Variants in CDH11 observed in about 807,000 individuals in gnomAD.
The protein encoded by CDH11 is cadherin 11, also known as cadherin-11.
In CDH11, 11 loss-of-function variants were observed where a neutral mutation model predicts 67.8. That is an observed-to-expected ratio of 0.16 (90% CI 0.10 to 0.27). The LOEUF (loss-of-function observed/expected upper bound fraction) is 0.27, where lower values mean the gene tolerates loss of function less well. Among genes scored for constraint, CDH11 ranks in the 10% least tolerant of loss-of-function variants. CDH11 has a pLI of 1.00. For synonymous variants in CDH11, 419 were observed against 400.0 expected (o/e 1.05, Z -0.57); for missense variants, 847 against 1,031.2 (o/e 0.82, Z 2.45).
chr16:65,061,471 G>A (rs909520844), intron 1 of CDH11, among the ~76,000 whole-genome samples: 4 of 152,082 alleles, frequency 2.6e-5, no homozygotes, highest in Non-Finnish European at 5.9e-5. Flanking sequence ...TAAATGCAAC[G>A]TGGCATTATT....
chr16:65,012,565 G>A (rs1035790224), intron 2 of CDH11, among the ~76,000 whole-genome samples: 1 of 152,164 alleles, frequency 6.6e-6, no homozygotes, highest in African/African-American at 2.4e-5. Context: ...AGAAACAAAT[G>A]TGACCTCTGT....
intron 1 of CDH11, among the ~76,000 whole-genome samples, chr16:65,090,334 T>C (rs991401376): frequency 3.3e-5 from 5 of 152,120 alleles, no homozygotes; most frequent in Non-Finnish European, 5.9e-5. Context: ...CAATATTGTG[T>C]CTCTCAGTTG....
intron 4 of CDH11, 114 bp from the exon 5 acceptor site, chr16:64,993,148 C>T: frequency 1.2e-6 from 1 of 823,940 alleles, no homozygotes; most frequent in Non-Finnish European, 2.0e-6. Context: ...AATTATTCAA[C>T]ATTCTCTCAT....
intron 11 of CDH11, among the ~76,000 whole-genome samples, chr16:64,969,046 T>C (rs1253033421): frequency 1.3e-5 from 2 of 152,174 alleles, no homozygotes; most frequent in African/African-American, 4.8e-5. Context: ...GCAAAAATAG[T>C]AGCTCAACAG....
rs574877057 is a variant in CDH11, at chr16:65,050,643, C to T, written c.-173+3161G>A. Among the ~76,000 whole-genome samples, 146 of 152,246 alleles carry T rather than the reference C, an allele frequency of 9.6e-4. 1 individual carries two copies. Among genetic ancestry groups the T allele is most frequent in the Admixed American group, 9.2e-4 (14 of 15,290 alleles). On this transcript the variant is annotated intron_variant, in intron 2 of 12. Coordinates refer to ENST00000268603, the MANE Select transcript of CDH11 (RefSeq NM_001797.4). ...CAAGAAGAAGCTTAACCTGAAAAAT[C>T]AAAGGATTGTTCCATCTGCATTCCT... is the stretch of plus-strand genomic sequence containing the variant.
intron 3 of CDH11, among the ~76,000 whole-genome samples, chr16:65,001,810 A>AC (rs892813911): frequency 4.6e-5 from 7 of 151,630 alleles, no homozygotes; most frequent in East Asian, 1.9e-4. Context: ...TAAAAAAAAA[A>AC]ACAAAAACCC....
chr16:65,001,800 T>TA (rs34584816), intron 3 of CDH11, among the ~76,000 whole-genome samples: 56,935 of 142,342 alleles, frequency 0.4, 12,405 homozygotes, highest in East Asian at 0.61. Flanking sequence ...ACACACACAT[T>TA]AAAAAAAAAA....
At chr16:65,071,400 C>T (rs2074413562) in intron 1 of CDH11, among the ~76,000 whole-genome samples, 1 of 146,948 alleles carries the variant, frequency 6.8e-6, no homozygotes, top group African/African-American at 2.5e-5. Context: ...GCGCAAACTC[C>T]AAAAAGGGAG....
chr16:65,021,493 C>T (rs558592965), intron 2 of CDH11, among the ~76,000 whole-genome samples: 1 of 151,396 alleles, frequency 6.6e-6, no homozygotes, highest in Admixed American at 6.6e-5. Flanking sequence ...AAGAAAAAAG[C>T]TTTTCTTATT....
At chr16:65,101,089 A>C (rs1487873203) in intron 1 of CDH11, among the ~76,000 whole-genome samples, 1 of 152,176 alleles carries the variant, frequency 6.6e-6, no homozygotes, top group African/African-American at 2.4e-5. Flanking sequence ...CAGGCATAGC[A>C]CCTCAAAGCT....
upstream of CDH11, chr16:65,122,152 A>ATGGT: frequency 2.3e-6 from 1 of 437,714 alleles, no homozygotes; most frequent in African/African-American, 2.3e-5. Flanking sequence ...GGGCGGGAGG[A>ATGGT]GGGAGGCTGC....
chr16:65,083,620 T>C (rs2074648009), intron 1 of CDH11, among the ~76,000 whole-genome samples: 1 of 152,240 alleles, frequency 6.6e-6, no homozygotes, highest in Non-Finnish European at 1.5e-5. Context: ...AGGCAAGACA[T>C]ATCTTGACAC....
Position 64,991,948 on chromosome 16 carries a change from G to A in CDH11, c.644-13C>T, listed in dbSNP as rs777242765. On this transcript the variant is annotated splice_polypyrimidine_tract_variant and intron_variant, in intron 5 of 12. Coordinates refer to ENST00000268603, the MANE Select transcript of CDH11 (RefSeq NM_001797.4). The stretch of plus-strand genomic sequence containing the variant: ...GTTCTGATGATACCTGGACAGGTAA[G>A]CAGGCAACATCACAGATATTCGTTT... 2.4e-5 allele frequency: 37 copies of A among 1,561,714 alleles called. No homozygotes were observed. Among genetic ancestry groups the A allele is most frequent in the Non-Finnish European group, 3.1e-5 (35 of 1,140,942 alleles).
chr16:65,091,202 T>A (rs2074786568), intron 1 of CDH11, among the ~76,000 whole-genome samples: 1 of 152,220 alleles, frequency 6.6e-6, no homozygotes, highest in South Asian at 2.1e-4. Context: ...ACCATAAAAA[T>A]ATACCATAAT....
intron 1 of CDH11, among the ~76,000 whole-genome samples, chr16:65,101,264 ACCAAT>A (rs1366600340): frequency 3.2e-4 from 48 of 152,242 alleles, no homozygotes; most frequent in Non-Finnish European, 1.0e-4. Context: ...GAAGACACCA[ACCAAT>A]CATGAGGAGA....
intron 2 of CDH11, among the ~76,000 whole-genome samples, chr16:65,046,409 C>T (rs905025630): frequency 6.6e-6 from 1 of 152,180 alleles, no homozygotes; most frequent in African/African-American, 2.4e-5. Flanking sequence ...AAGAGGGGCA[C>T]CTCCAGCCAT....
At chr16:65,044,282 G>A (rs2073918158) in intron 2 of CDH11, among the ~76,000 whole-genome samples, 1 of 152,076 alleles carries the variant, frequency 6.6e-6, no homozygotes, top group Non-Finnish European at 1.5e-5. Flanking sequence ...TTGGCGATGT[G>A]GTAACCCAGC....
upstream of CDH11, chr16:65,122,230 T>C: frequency 4.1e-6 from 2 of 491,886 alleles, no homozygotes; most frequent in Non-Finnish European, 7.2e-6. Context: ...GAGATGGGCC[T>C]CGCAGAGGCT....
At chr16:65,072,831 C>A (rs1308188967) in intron 1 of CDH11, among the ~76,000 whole-genome samples, 1 of 152,184 alleles carries the variant, frequency 6.6e-6, no homozygotes, top group Non-Finnish European at 1.5e-5. Flanking sequence ...AGCCTTAAAC[C>A]AGCTACTCAA....
Sources: gnomAD v4.1 joint callset for allele counts (sites outside exome capture counted in the v4.1 genomes callset) on GRCh38, gnomAD v4.1.1 for gene constraint, MANE v1.5 for transcripts, NCBI Gene and HGNC (gene_info 2026-07-23, HGNC 2026-07-21) for gene names.